CHODL: variants seen among roughly 807,000 people sequenced by gnomAD.
The protein encoded by CHODL is chondrolectin.
CHODL carries 29 observed loss-of-function variants against 34.5 expected under a neutral mutation model. That is an observed-to-expected ratio of 0.84 (90% CI 0.63 to 1.15). CHODL has a LOEUF of 1.15. Among genes scored for constraint, CHODL ranks in the 50% most tolerant of loss-of-function variants. CHODL has a pLI of 0.00. For synonymous variants in CHODL, 125 were observed against 116.1 expected (o/e 1.08, Z -0.49); for missense variants, 332 against 332.5 (o/e 1.00, Z 0.01).
At chr21:18,098,866 C>T in intron 2 of CHODL, among the ~76,000 whole-genome samples, 1 of 152,032 alleles carries the variant, frequency 6.6e-6, no homozygotes, top group East Asian at 1.9e-4. Flanking sequence ...ACACGTGGTA[C>T]ATACACCCAA....
intron 2 of CHODL, among the ~76,000 whole-genome samples, chr21:18,034,184 A>C (rs1355047814): frequency 6.6e-6 from 1 of 152,030 alleles, no homozygotes; most frequent in African/African-American, 2.4e-5. Context: ...TTTCTATAAT[A>C]TGTAATAATG....
In CHODL at chr21:18,257,013, G is replaced by T. The variant is rs747155362; in HGVS notation, c.433G>T (p.Val145Phe). 1 of 1,613,966 alleles carries T rather than the reference G, an allele frequency of 6.2e-7. No individual in the cohort carries two copies. Among genetic ancestry groups the T allele is most frequent in the South Asian group, 1.1e-5 (1 of 91,062 alleles). The change falls in exon 3 of 6, where the codon GTT (valine) becomes TTT (phenylalanine). Residue 145 changes from valine (V) to phenylalanine (F), a missense_variant. Coordinates refer to ENST00000299295, the MANE Select transcript of CHODL (RefSeq NM_024944.3). ...ACCTTCCTGCGGAAGTGAAAAGTGTGTTGTGATGTATCACCAACCAACTGC... is the reference window on the plus strand; with the variant it reads ...ACCTTCCTGCGGAAGTGAAAAGTGTTTTGTGATGTATCACCAACCAACTGC... ...DEPSCGSEKCVVMYHQPTANP... is the reference protein window; with the variant it reads ...DEPSCGSEKCFVMYHQPTANP...
chr21:18,235,748 A>G lies in CHODL; in HGVS notation c.-44-20761A>G, dbSNP rs76008888. ...GAAAATAGCATTTGGTTGCTATGAC[A>G]ACCTGGAACAGCAATTGGAAACTAG... On this transcript the variant is annotated intron_variant, in intron 2 of 6. Transcript: ENST00000400127. 1.4e-3 allele frequency among the ~76,000 whole-genome samples: 216 copies of G among 152,282 alleles called. 7 individuals carry two copies. In the East Asian group the frequency reaches 0.037, roughly 26 times the overall value.
upstream of CHODL, among the ~76,000 whole-genome samples, chr21:18,244,634 G>T (rs1055021435): frequency 3.9e-5 from 6 of 152,188 alleles, no homozygotes; most frequent in African/African-American, 1.4e-4. Context: ...CTAGCGAATG[G>T]AAAGAGGGGA....
At chr21:17,919,148 C>T (rs964056752) in intron 1 of CHODL, among the ~76,000 whole-genome samples, 1 of 152,184 alleles carries the variant, frequency 6.6e-6, no homozygotes, top group Non-Finnish European at 1.5e-5. Flanking sequence ...TGCAAGCTGT[C>T]AGTGGATCTA....
chr21:18,043,459 A>G (rs978883445), intron 2 of CHODL, among the ~76,000 whole-genome samples: 2 of 151,952 alleles, frequency 1.3e-5, no homozygotes, highest in Non-Finnish European at 2.9e-5. Flanking sequence ...AAGATGTTCC[A>G]TGAACACAGA....
At chr21:17,957,598 T>C (rs980413615) in intron 1 of CHODL, among the ~76,000 whole-genome samples, 3 of 152,136 alleles carry the variant, frequency 2.0e-5, no homozygotes, top group Non-Finnish European at 4.4e-5. Context: ...TTTGTATTGC[T>C]CATATTCTAT....
intron 1 of CHODL, among the ~76,000 whole-genome samples, chr21:18,245,665 C>T (rs2074131821): frequency 6.6e-6 from 1 of 152,040 alleles, no homozygotes; most frequent in South Asian, 2.1e-4. Context: ...GCAGAGGGAA[C>T]CCAGAGACAG....
intron 2 of CHODL, among the ~76,000 whole-genome samples, chr21:18,042,181 A>T (rs969307698): frequency 6.6e-6 from 1 of 151,916 alleles, no homozygotes; most frequent in African/African-American, 2.4e-5. Flanking sequence ...AAAATTTTTA[A>T]TTTTAATATT....
At chr21:18,005,783 A>G (rs1431912406) in intron 1 of CHODL, among the ~76,000 whole-genome samples, 2 of 152,168 alleles carry the variant, frequency 1.3e-5, no homozygotes, top group African/African-American at 4.8e-5. Flanking sequence ...CCGAACAATG[A>G]GCACACATGG....
At position 17,942,883 on chromosome 21, in the gene CHODL, G is replaced by T. The variant is rs571270973; in HGVS notation, c.-145+25483G>T. Among the ~76,000 whole-genome samples the T allele has an allele frequency of 5.0e-4, 76 of 152,272 alleles. 2 individuals carry two copies. The South Asian group carries it at 0.015, about 30-fold the overall frequency. Reference sequence around the variant, plus strand: ...GATCATGGGGGTGGAATTCCCTCTTGCTGTTCTTCTTATAGTGAGTGAGTT... The same window carrying T: ...GATCATGGGGGTGGAATTCCCTCTTTCTGTTCTTCTTATAGTGAGTGAGTT... On this transcript the variant is annotated intron_variant, in intron 1 of 6. Coordinates refer to the CHODL transcript ENST00000400127.
chr21:17,967,084 C>T (rs1216977012), intron 1 of CHODL, among the ~76,000 whole-genome samples: 1 of 152,008 alleles, frequency 6.6e-6, no homozygotes, highest in African/African-American at 2.4e-5. Context: ...GGGGTTTCAC[C>T]ATGTTGACCA....
intron 2 of CHODL, among the ~76,000 whole-genome samples, chr21:18,079,201 AT>A (rs1473783659): frequency 8.5e-5 from 13 of 152,058 alleles, no homozygotes; most frequent in Non-Finnish European, 8.8e-5. Context: ...TTTAGCTCCC[AT>A]TTATAAGTGA....
chr21:18,174,157 A>ATATATATATATATATATATATATATG (rs1555879240), intron 2 of CHODL, among the ~76,000 whole-genome samples: 17 of 88,220 alleles, frequency 1.9e-4, no homozygotes, highest in African/African-American at 6.1e-4. Context: ...ATATATATAT[A>ATATATATATATATATATATATATATG]TATAAAATCA....
At chr21:18,187,689 T>G (rs907609119) in intron 2 of CHODL, among the ~76,000 whole-genome samples, 2 of 152,170 alleles carry the variant, frequency 1.3e-5, no homozygotes, top group African/African-American at 4.8e-5. Context: ...TTCTATTACC[T>G]GAGATGAAAT....
chr21:18,229,321 C>G (rs1175957826), intron 2 of CHODL, among the ~76,000 whole-genome samples: 1 of 152,070 alleles, frequency 6.6e-6, no homozygotes, highest in African/African-American at 2.4e-5. Context: ...GCTTACATCA[C>G]AAAGTTTTTA....
At chr21:17,924,504 G>A (rs2063208071) in intron 1 of CHODL, among the ~76,000 whole-genome samples, 1 of 152,204 alleles carries the variant, frequency 6.6e-6, no homozygotes, top group Admixed American at 6.5e-5. Flanking sequence ...CCCTGGGCCT[G>A]ACCTAGCAGG....
At chr21:18,058,617 C>T (rs204015) in intron 2 of CHODL, among the ~76,000 whole-genome samples, 19,006 of 152,174 alleles carry the variant, frequency 0.12, 1,249 homozygotes, top group South Asian at 0.17. Flanking sequence ...CAAGTTCTCA[C>T]TCATATGTGG....
intron 2 of CHODL, among the ~76,000 whole-genome samples, chr21:18,070,880 A>G (rs2064795486): frequency 1.3e-5 from 2 of 151,582 alleles, no homozygotes; most frequent in Admixed American, 6.6e-5. Flanking sequence ...AAATAGTATT[A>G]TAGTATCCTT....
Sources: allele counts gnomAD v4.1 joint callset (sites outside exome capture counted in the v4.1 genomes callset), GRCh38; gene constraint gnomAD v4.1.1; transcripts MANE v1.5; gene names NCBI Gene and HGNC (gene_info 2026-07-23, HGNC 2026-07-21).